MYH15: variants seen among roughly 807,000 people sequenced by gnomAD.
MYH15 encodes the protein myosin heavy chain 15, also known as myosin-15.
A neutral mutation model predicts 240.5 loss-of-function variants in MYH15; 227 were observed. The observed-to-expected ratio is 0.94, with a 90% CI of 0.85 to 1.05. The LOEUF is 1.05. Among genes scored for constraint, MYH15 ranks in the 50% least tolerant of loss-of-function variants. The pLI is 0.00. For missense variants in MYH15, 2,217 were observed against 2,247.5 expected, an observed-to-expected ratio of 0.99 and a Z score of 0.27; for synonymous variants, 785 against 796.7, an observed-to-expected ratio of 0.99 and a Z score of 0.25.
the MYH15 span, among the ~76,000 whole-genome samples, chr3:108,546,786 G>C: frequency 6.6e-6 from 1 of 152,098 alleles, no homozygotes; most frequent in Non-Finnish European, 1.5e-5. Context: ...TGATAATAAA[G>C]TTTTTTCTGG....
chr3:108,521,247 T>C (rs543985489), intron 1 of MYH15, among the ~76,000 whole-genome samples: 3 of 152,260 alleles, frequency 2.0e-5, no homozygotes, highest in African/African-American at 7.2e-5. Flanking sequence ...AAACAGCTAA[T>C]TGATTGCTAC....
At chr3:108,466,201 G>A (rs1294730952) in intron 14 of MYH15, among the ~76,000 whole-genome samples, 1 of 152,212 alleles carries the variant, frequency 6.6e-6, no homozygotes, top group Non-Finnish European at 1.5e-5. Flanking sequence ...TGGAGCTTAT[G>A]AGAAGTCATT....
At position 108,384,674 on chromosome 3, in the gene MYH15, C is replaced by G; in HGVS notation, c.5631+13G>C. On this transcript the variant is annotated intron_variant, in intron 39 of 40. Transcript: ENST00000693548. ...GGGAAATCCATGAGGCTGAAACTTC[C>G]CCAGGCACTCACCGCCACCTCGACT... is the stretch of plus-strand genomic sequence containing the variant. 1.2e-6 allele frequency: 2 copies of G among 1,609,980 alleles called. No homozygotes were observed. Among genetic ancestry groups the G allele is most frequent in the Middle Eastern group, 1.7e-4 (1 of 6,040 alleles).
At chr3:108,499,540 T>G in intron 4 of MYH15, 58 bp from the exon 5 acceptor site, 1 of 1,535,942 alleles carries the variant, frequency 6.5e-7, no homozygotes, top group Non-Finnish European at 9.0e-7. Context: ...TGTATTAGTA[T>G]GAACTTACTC....
At chr3:108,460,216 T>G in intron 17 of MYH15, 84 bp downstream of exon 17, 1 of 1,186,026 alleles carries the variant, frequency 8.4e-7, no homozygotes, top group Non-Finnish European at 1.2e-6. Flanking sequence ...TTATCCTTAT[T>G]TGAAGATGTG....
chr3:108,387,815 G>T (rs2082395267), intron 38 of MYH15, among the ~76,000 whole-genome samples: 1 of 152,158 alleles, frequency 6.6e-6, no homozygotes, highest in Non-Finnish European at 1.5e-5. Flanking sequence ...TCTTACAAAA[G>T]GAACCGCTTA....
chr3:108,432,224 A>G (rs1011610062), intron 25 of MYH15, among the ~76,000 whole-genome samples: 1 of 151,962 alleles, frequency 6.6e-6, no homozygotes, highest in African/African-American at 2.4e-5. Context: ...CTGCCCAGCA[A>G]ATTTTTTGTC....
the MYH15 span, chr3:108,543,903 G>C: frequency 4.0e-5 from 6 of 151,806 alleles, no homozygotes; most frequent in African/African-American, 7.2e-5. Flanking sequence ...CTCCGAAGGA[G>C]AACGGTTGGC....
chr3:108,443,351 TA>T (rs2082899740), intron 22 of MYH15, among the ~76,000 whole-genome samples: 2 of 152,138 alleles, frequency 1.3e-5, no homozygotes, highest in Admixed American at 6.5e-5. Flanking sequence ...TCCAAAATAT[TA>T]AAAAGTAATA....
the MYH15 span, chr3:108,543,869 G>A: frequency 6.6e-6 from 1 of 152,258 alleles, no homozygotes; most frequent in African/African-American, 2.4e-5. Context: ...TTCTGGCAGG[G>A]TGCCATAGCT....
At chr3:108,457,645 G>A (rs1186788744) in intron 18 of MYH15, among the ~76,000 whole-genome samples, 1 of 151,150 alleles carries the variant, frequency 6.6e-6, no homozygotes, top group Non-Finnish European at 1.5e-5. Flanking sequence ...AAAAAAAAAG[G>A]ACTCCATGCC....
At chr3:108,386,605 G>A (rs529656147) in intron 38 of MYH15, among the ~76,000 whole-genome samples, 2 of 152,034 alleles carry the variant, frequency 1.3e-5, no homozygotes, top group South Asian at 4.2e-4. Context: ...ACTATAGTCT[G>A]ACGCTCTTCC....
intron 12 of MYH15, 130 bp from the exon 13 acceptor site, chr3:108,470,977 C>A: frequency 1.7e-6 from 1 of 604,662 alleles, no homozygotes; most frequent in Middle Eastern, 3.5e-4. Context: ...TTCCAACATT[C>A]TGCTGAATAC....
chr3:108,510,380 T>C, intron 1 of MYH15, 63 bp downstream of exon 1: 5 of 1,546,434 alleles, frequency 3.2e-6, no homozygotes, highest in Non-Finnish European at 4.4e-6. Flanking sequence ...GTCAATCAAA[T>C]ATCTTAGTCA....
intron 14 of MYH15, among the ~76,000 whole-genome samples, chr3:108,465,635 G>T (rs1473141294): frequency 1.3e-5 from 2 of 152,128 alleles, no homozygotes; most frequent in Admixed American, 6.6e-5. Flanking sequence ...CATTTTTAAA[G>T]AGTTTTAAAA....
upstream of MYH15, among the ~76,000 whole-genome samples, chr3:108,530,232 T>C (rs1234603154): frequency 6.6e-6 from 1 of 152,192 alleles, no homozygotes; most frequent in Non-Finnish European, 1.5e-5. Context: ...GTAACTTAAC[T>C]GCAACTCAAA....
intron 6 of MYH15, among the ~76,000 whole-genome samples, chr3:108,497,278 T>C (rs1321805455): frequency 1.3e-5 from 2 of 150,990 alleles, no homozygotes; most frequent in African/African-American, 4.9e-5. Context: ...TTAGGTCAGA[T>C]GGCTATTTTA....
intron 6 of MYH15, among the ~76,000 whole-genome samples, chr3:108,496,809 A>G (rs2083394655): frequency 1.3e-5 from 2 of 151,634 alleles, no homozygotes; most frequent in Admixed American, 6.6e-5. Flanking sequence ...ACCAAAAAAA[A>G]AAAAAAACCA....
the MYH15 span, among the ~76,000 whole-genome samples, chr3:108,538,926 A>T: frequency 6.6e-6 from 1 of 152,302 alleles, no homozygotes; most frequent in Non-Finnish European, 1.5e-5. Flanking sequence ...GGGCAATGGA[A>T]GGTGAGAGAA....
Sources: gnomAD v4.1 joint callset for allele counts (sites outside exome capture counted in the v4.1 genomes callset) on GRCh38, gnomAD v4.1.1 for gene constraint, MANE v1.5 for transcripts, NCBI Gene and HGNC (gene_info 2026-07-23, HGNC 2026-07-21) for gene names.